The following BBX variants were observed in gnomAD, a reference collection of about 807,000 sequenced individuals.
BBX encodes HMG box transcription factor BBX.
A neutral mutation model predicts 100.2 loss-of-function variants in BBX; 30 were observed. The observed-to-expected ratio is 0.30, with a 90% confidence interval of 0.22 to 0.41. The LOEUF (loss-of-function observed/expected upper bound fraction) is 0.41, where lower values mean the gene tolerates loss of function less well. BBX is among the 10% of genes least tolerant of loss of function. The pLI, the probability that BBX is intolerant of heterozygous loss-of-function variation, is 1.00. For synonymous variants in BBX, 376 were observed against 388.1 expected (o/e 0.97, Z 0.37); for missense variants, 1,023 against 1,129.8 (o/e 0.91, Z 1.35).
intron 3 of BBX, among the ~76,000 whole-genome samples, chr3:107,688,905 C>G (rs2059996172): frequency 6.6e-6 from 1 of 152,146 alleles, no homozygotes; most frequent in African/African-American, 2.4e-5. Context: ...GAGAGCTCAG[C>G]AAGCAGAATT....
At chr3:107,565,676 G>C (rs1031668332) in intron 2 of BBX, among the ~76,000 whole-genome samples, 1 of 151,218 alleles carries the variant, frequency 6.6e-6, no homozygotes, top group South Asian at 2.1e-4. Context: ...CACCATCTTG[G>C]TCAGACTGGT....
chr3:107,601,221 C>G (rs185961175), intron 2 of BBX, among the ~76,000 whole-genome samples: 1 of 152,214 alleles, frequency 6.6e-6, no homozygotes, highest in African/African-American at 2.4e-5. Flanking sequence ...TCAGGCCTCC[C>G]GATTGTCTCC....
intron 7 of BBX, among the ~76,000 whole-genome samples, chr3:107,742,640 A>G (rs1196083468): frequency 6.6e-6 from 1 of 152,168 alleles, no homozygotes; most frequent in Non-Finnish European, 1.5e-5. Flanking sequence ...GATTCTTCCT[A>G]TTCACATACA....
intron 12 of BBX, among the ~76,000 whole-genome samples, chr3:107,777,720 G>A (rs1218702056): frequency 1.1e-4 from 17 of 152,088 alleles, no homozygotes; most frequent in Non-Finnish European, 4.4e-5. Context: ...TTGCCTCTGT[G>A]CCATTGCATT....
chr3:107,673,444 T>A (rs1006444180), intron 3 of BBX, among the ~76,000 whole-genome samples: 1 of 152,090 alleles, frequency 6.6e-6, no homozygotes, highest in South Asian at 2.1e-4. Flanking sequence ...TACATTTTTT[T>A]AAACCCAGCA....
At chr3:107,622,006 T>A (rs921966093) in intron 2 of BBX, among the ~76,000 whole-genome samples, 11 of 152,222 alleles carry the variant, frequency 7.2e-5, no homozygotes, top group Admixed American at 3.9e-4. Flanking sequence ...GTTTAAAACA[T>A]GTATAGATTT....
intron 3 of BBX, among the ~76,000 whole-genome samples, chr3:107,655,883 G>A (rs570927503): frequency 6.6e-6 from 1 of 151,946 alleles, no homozygotes; most frequent in South Asian, 2.1e-4. Context: ...TGTATTTTTA[G>A]TGGAGATGGG....
intron 2 of BBX, among the ~76,000 whole-genome samples, chr3:107,617,994 T>C (rs892953799): frequency 1.3e-5 from 2 of 152,052 alleles, no homozygotes; most frequent in Non-Finnish European, 2.9e-5. Flanking sequence ...TTTTCTCTTG[T>C]AGTGTTAGCT....
intron 10 of BBX, among the ~76,000 whole-genome samples, chr3:107,766,168 C>T (rs944518979): frequency 2.0e-5 from 3 of 152,126 alleles, no homozygotes; most frequent in Non-Finnish European, 4.4e-5. Context: ...GGACCAAGGT[C>T]AATGAGAATG....
chr3:107,621,539 C>G (rs1165988018), intron 2 of BBX, among the ~76,000 whole-genome samples: 1 of 152,090 alleles, frequency 6.6e-6, no homozygotes, highest in Non-Finnish European at 1.5e-5. Flanking sequence ...AAGAATATAG[C>G]TTAGAACTCT....
At chr3:107,600,064 A>G (rs2053959038) in intron 2 of BBX, among the ~76,000 whole-genome samples, 2 of 152,236 alleles carry the variant, frequency 1.3e-5, no homozygotes, top group South Asian at 2.1e-4. Context: ...GGTGTGTTAC[A>G]TTTAAGTGGA....
rs544469048 is a variant in BBX, at chr3:107,577,795, C to A, written c.-84+51397C>A. 2.6e-5 allele frequency among the ~76,000 whole-genome samples: 4 copies of A among 151,988 alleles called. No homozygotes were observed. The South Asian group carries it at 8.3e-4, about 32-fold the overall frequency. ...ATGAACAAAGGGTAGATAAGTAGAC[C>A]CCATAAGTGCTTAGTGACTGATGTG... is the stretch of plus-strand genomic sequence containing the variant. On this transcript the variant is annotated intron_variant, in intron 2 of 17. Coordinates refer to ENST00000325805, the MANE Select transcript of BBX (RefSeq NM_001142568.3).
chr3:107,595,792 C>G (rs756799991), intron 2 of BBX, among the ~76,000 whole-genome samples: 1 of 152,178 alleles, frequency 6.6e-6, no homozygotes, highest in Non-Finnish European at 1.5e-5. Context: ...AAAGCTTACT[C>G]TTGAACAACA....
chr3:107,738,508 ATTTACC>A (rs2063820306), intron 7 of BBX, among the ~76,000 whole-genome samples: 1 of 152,190 alleles, frequency 6.6e-6, no homozygotes, highest in African/African-American at 2.4e-5. Context: ...GTTAAGTCTT[ATTTACC>A]TTATAAGTAA....
chr3:107,545,390 CAAGTT>C (rs1380277222), intron 2 of BBX, among the ~76,000 whole-genome samples: 26 of 152,174 alleles, frequency 1.7e-4, no homozygotes, highest in East Asian at 1.2e-3. Flanking sequence ...TGTGAGGACT[CAAGTT>C]AAGAGAATGA....
intron 13 of BBX, among the ~76,000 whole-genome samples, chr3:107,782,184 A>G (rs1457064955): frequency 6.6e-6 from 1 of 152,108 alleles, no homozygotes; most frequent in Admixed American, 6.6e-5. Context: ...GTCCAGCCCA[A>G]TGAAGTGGCT....
chr3:107,780,474 C>T (rs541759775), intron 13 of BBX, among the ~76,000 whole-genome samples: 1 of 152,048 alleles, frequency 6.6e-6, no homozygotes, highest in African/African-American at 2.4e-5. Flanking sequence ...AACAGTATTT[C>T]TTTTGATGTG....
intron 3 of BBX, among the ~76,000 whole-genome samples, chr3:107,701,826 A>AG (rs1553775665): frequency 1.2e-3 from 184 of 150,624 alleles, no homozygotes; most frequent in African/African-American, 4.3e-3. Context: ...AAAAAAAAAA[A>AG]GGGGATAATA....
At chr3:107,697,160 G>A (rs1412106863) in intron 3 of BBX, among the ~76,000 whole-genome samples, 17 of 151,718 alleles carry the variant, frequency 1.1e-4, no homozygotes, top group African/African-American at 3.7e-4. Context: ...CCCGTAGCTC[G>A]GAGTAATTTG....
Sources: allele counts gnomAD v4.1 joint callset (sites outside exome capture counted in the v4.1 genomes callset), GRCh38; gene constraint gnomAD v4.1.1; transcripts MANE v1.5; gene names NCBI Gene and HGNC (gene_info 2026-07-23, HGNC 2026-07-21).